SLC37A3: variants seen among roughly 807,000 people sequenced by gnomAD.
SLC37A3 encodes the protein solute carrier family 37 member 3.
A neutral mutation model predicts 67.1 loss-of-function variants in SLC37A3; 51 were observed. That is an observed-to-expected ratio of 0.76 (90% CI 0.61 to 0.96). The LOEUF is 0.96. SLC37A3 is among the 40% of genes least tolerant of loss of function. The pLI is 0.00. For missense variants in SLC37A3, 508 were observed against 603.0 expected (o/e 0.84, Z 1.65); for synonymous variants, 214 against 231.4 (o/e 0.92, Z 0.68).
intron 1 of SLC37A3, among the ~76,000 whole-genome samples, chr7:140,391,149 TCTC>T (rs1798711872): frequency 6.0e-5 from 9 of 150,964 alleles, no homozygotes; most frequent in Admixed American, 4.7e-4. Flanking sequence ...AACATCTTTC[TCTC>T]CTCCTTCCTC....
chr7:140,343,254 G>A (rs944105488), intron 13 of SLC37A3, among the ~76,000 whole-genome samples, 158 bp downstream of exon 13: 2 of 152,180 alleles, frequency 1.3e-5, no homozygotes, highest in African/African-American at 2.4e-5. Flanking sequence ...ACATTAGGAC[G>A]CATCAGCTGG....
chr7:140,358,285 G>A (rs1041031810), intron 6 of SLC37A3, among the ~76,000 whole-genome samples: 8 of 152,080 alleles, frequency 5.3e-5, no homozygotes, highest in African/African-American at 1.9e-4. Context: ...AAAAGGGCAG[G>A]GAAGGCAAAA....
Position 140,377,981 on chromosome 7 carries a change from A to G in SLC37A3, c.198+2301T>C, listed in dbSNP as rs55891374. Among the ~76,000 whole-genome samples the G allele has an allele frequency of 7.4e-3, 1,121 of 152,282 alleles. 8 individuals carry two copies. Among genetic ancestry groups the G allele is most frequent in the African/African-American group, 0.024 (995 of 41,568 alleles). On this transcript the variant is annotated intron_variant, in intron 3 of 14. Coordinates refer to ENST00000326232, the MANE Select transcript of SLC37A3 (RefSeq NM_207113.3). ...CTTCCCTTTGCTGAGTTTACCTTGT[A>G]TCCTCTCACTGGAATAAATGACAGC...
chr7:140,369,292 A>G (rs183113940), intron 4 of SLC37A3, among the ~76,000 whole-genome samples: 62 of 152,266 alleles, frequency 4.1e-4, no homozygotes, highest in Admixed American at 4.1e-3. Flanking sequence ...TATACTCTAT[A>G]ATTTATTTGT....
intron 1 of SLC37A3, among the ~76,000 whole-genome samples, chr7:140,383,360 ACTGGAGAGG>A (rs1412361609): frequency 2.6e-5 from 4 of 152,162 alleles, no homozygotes; most frequent in African/African-American, 9.7e-5. Context: ...TACCCCAGCT[ACTGGAGAGG>A]CTGAGACAGG....
chr7:140,341,622 G>A (rs1796364446), intron 13 of SLC37A3, among the ~76,000 whole-genome samples: 1 of 152,126 alleles, frequency 6.6e-6, no homozygotes, highest in Non-Finnish European at 1.5e-5. Flanking sequence ...CATGGAAGAG[G>A]AATGAGTAAA....
chr7:140,354,920 T>G (rs1329245273), intron 7 of SLC37A3, among the ~76,000 whole-genome samples: 8 of 152,058 alleles, frequency 5.3e-5, no homozygotes. Context: ...ATTTTTTAGT[T>G]TTTTTGTAGG....
At chr7:140,371,189 T>G (rs1309428421) in intron 3 of SLC37A3, among the ~76,000 whole-genome samples, 1 of 152,184 alleles carries the variant, frequency 6.6e-6, no homozygotes, top group African/African-American at 2.4e-5. Flanking sequence ...TATTTATTTA[T>G]TTTTGAGACA....
intron 1 of SLC37A3, among the ~76,000 whole-genome samples, chr7:140,383,341 C>T (rs1047861468): frequency 6.6e-6 from 1 of 152,034 alleles, no homozygotes; most frequent in Non-Finnish European, 1.5e-5. Flanking sequence ...CAATGGCTCA[C>T]ACCTGTAGTA....
At chr7:140,353,537 C>G (rs1796900058) in intron 7 of SLC37A3, among the ~76,000 whole-genome samples, 2 of 151,828 alleles carry the variant, frequency 1.3e-5, no homozygotes, top group Non-Finnish European at 2.9e-5. Context: ...TCCCCATCTG[C>G]TCAATTCTCC....
intron 10 of SLC37A3, among the ~76,000 whole-genome samples, chr7:140,346,753 G>A (rs1403656524): frequency 6.6e-6 from 1 of 151,840 alleles, no homozygotes; most frequent in Non-Finnish European, 1.5e-5. Flanking sequence ...AATTAGCCGG[G>A]CATGGTAGCA....
Position 140,346,018 on chromosome 7 carries a change from C to T in SLC37A3, c.1025-48G>A, listed in dbSNP as rs775137192. 5.0e-6 allele frequency: 7 copies of T among 1,402,912 alleles called. No individual in the cohort carries two copies. In the African/African-American group the frequency reaches 9.9e-5, roughly 20 times the overall value. The allele number at this position is 1,402,912 out of a possible 1,614,324, so 86.9% of individuals were successfully genotyped here. ...TCAAAATCACTTCTAATTTAGCTCGCTCACCTGAGGCGTGCTCCCCATTTG... is the reference window on the plus strand; with the variant it reads ...TCAAAATCACTTCTAATTTAGCTCGTTCACCTGAGGCGTGCTCCCCATTTG... On this transcript the variant is annotated intron_variant, in intron 10 of 14. Coordinates refer to ENST00000326232, the MANE Select transcript of SLC37A3 (RefSeq NM_207113.3).
chr7:140,395,778 A>G (rs904095180), intron 1 of SLC37A3, among the ~76,000 whole-genome samples: 51 of 152,134 alleles, frequency 3.4e-4, no homozygotes, highest in Admixed American at 7.9e-4. Flanking sequence ...AAGGATGGGG[A>G]AAAAAAACAT....
At position 140,345,980 on chromosome 7, in the gene SLC37A3, G is replaced by C. The variant is rs201014662; in HGVS notation, c.1025-10C>G. The C allele has an allele frequency of 1.3e-5, 21 of 1,602,564 alleles. No homozygotes were observed. The East Asian group carries it at 4.5e-4, about 34-fold the overall frequency. On this transcript the variant is annotated splice_polypyrimidine_tract_variant and intron_variant, in intron 10 of 14. Coordinates refer to ENST00000326232, the MANE Select transcript of SLC37A3 (RefSeq NM_207113.3). ...CCTTGCAAAGTTCCACCTTCAAGCA[G>C]AGTGTCGAGCAATCAAAATCACTTC...
chr7:140,378,967 A>AG (rs1798140271), intron 3 of SLC37A3, among the ~76,000 whole-genome samples: 2 of 151,934 alleles, frequency 1.3e-5, no homozygotes, highest in African/African-American at 4.8e-5. Flanking sequence ...GAATCGCTTG[A>AG]TCCCAGGAGG....
chr7:140,337,446 A>G, intron 13 of SLC37A3, 97 bp from the exon 14 acceptor site: 1 of 982,682 alleles, frequency 1.0e-6, no homozygotes, highest in Non-Finnish European at 1.5e-6. Flanking sequence ...TTAGAAAATA[A>G]GAAGGGAACA....
chr7:140,384,242 T>G (rs748391827), intron 1 of SLC37A3, among the ~76,000 whole-genome samples: 23 of 152,326 alleles, frequency 1.5e-4, no homozygotes, highest in Admixed American at 2.6e-4. Context: ...CGGTTATAAA[T>G]CTAATTAACT....
At chr7:140,365,285 T>G (rs1480592447) in intron 4 of SLC37A3, among the ~76,000 whole-genome samples, 3 of 152,200 alleles carry the variant, frequency 2.0e-5, no homozygotes, top group Non-Finnish European at 4.4e-5. Context: ...ACCAGGTGTT[T>G]CTAATAAATT....
At chr7:140,396,442 C>G (rs896119421) in intron 1 of SLC37A3, among the ~76,000 whole-genome samples, 1 of 152,150 alleles carries the variant, frequency 6.6e-6, no homozygotes, top group Non-Finnish European at 1.5e-5. Context: ...CTTAAATTAT[C>G]TCATTACCAC....
Sources: gnomAD v4.1 joint callset for allele counts (sites outside exome capture counted in the v4.1 genomes callset) on GRCh38, gnomAD v4.1.1 for gene constraint, MANE v1.5 for transcripts, NCBI Gene and HGNC (gene_info 2026-07-23, HGNC 2026-07-21) for gene names.